GRK3: variants seen among roughly 807,000 people sequenced by gnomAD.
GRK3 encodes adrenergic, beta, receptor kinase 2.
Under a neutral mutation model 95.7 loss-of-function variants are expected in GRK3, and 54 were observed. That is an observed-to-expected ratio of 0.56 (90% CI 0.45 to 0.71). The LOEUF (loss-of-function observed/expected upper bound fraction) is 0.71. GRK3 is among the 30% of genes least tolerant of loss of function. GRK3 has a pLI of 0.00. For missense variants in GRK3, 649 were observed against 851.2 expected (o/e 0.76, Z 2.96); for synonymous variants, 281 against 290.8 (o/e 0.97, Z 0.34).
At chr22:25,570,524 G>A (rs1365331167) in intron 1 of GRK3, among the ~76,000 whole-genome samples, 1 of 152,146 alleles carries the variant, frequency 6.6e-6, no homozygotes, top group East Asian at 1.9e-4. Context: ...ATCTTCCTTT[G>A]TTAGTACAGT....
chr22:25,706,488 C>G (rs924894573), intron 15 of GRK3, among the ~76,000 whole-genome samples: 1 of 152,116 alleles, frequency 6.6e-6, no homozygotes, highest in African/African-American at 2.4e-5. Flanking sequence ...ATGGCCCTCT[C>G]TCTCTCGTGG....
chr22:25,676,444 C>A (rs1569190097), intron 8 of GRK3, among the ~76,000 whole-genome samples: 1 of 152,138 alleles, frequency 6.6e-6, no homozygotes, highest in African/African-American at 2.4e-5. Flanking sequence ...GTAATCCCAG[C>A]ACTTTGGGAG....
chr22:25,603,796 T>C (rs2084425387), intron 1 of GRK3, among the ~76,000 whole-genome samples: 1 of 152,260 alleles, frequency 6.6e-6, no homozygotes, highest in Admixed American at 6.5e-5. Context: ...ATACAATTTG[T>C]AATTTTTCCC....
chr22:25,716,224 A>G (rs1401982541), intron 18 of GRK3, among the ~76,000 whole-genome samples: 4 of 151,998 alleles, frequency 2.6e-5, no homozygotes, highest in Admixed American at 6.6e-5. Flanking sequence ...TCCTGACCTC[A>G]TGATCCGCCT....
intron 15 of GRK3, 53 bp downstream of exon 15, chr22:25,704,262 A>T (rs1414675912): frequency 7.4e-6 from 10 of 1,345,370 alleles, no homozygotes; most frequent in Non-Finnish European, 1.1e-5. Context: ...CAAAATAGTG[A>T]TTTTAAATAC....
chr22:25,597,176 G>T (rs558810605), intron 1 of GRK3, among the ~76,000 whole-genome samples: 2 of 152,198 alleles, frequency 1.3e-5, no homozygotes, highest in South Asian at 4.1e-4. Flanking sequence ...AATATCAAAT[G>T]TTCTAACATG....
intron 1 of GRK3, among the ~76,000 whole-genome samples, chr22:25,577,512 G>A (rs1052387436): frequency 6.6e-6 from 1 of 152,156 alleles, no homozygotes; most frequent in African/African-American, 2.4e-5. Context: ...GCACTCATTA[G>A]CAGTTCATTC....
rs1460086394 is a variant in GRK3 at position 25,644,658 on chromosome 22, A to T, written c.257A>T (p.Tyr86Phe). ...GAAGCTGTACCTCAGGTGAAGTTTT[A>T]TGAAGAGGTAAGAAGTAACTGTTTT... Reference protein sequence around the residue: ...INEAVPQVKFYEEIKEYEKLD... With the variant: ...INEAVPQVKFFEEIKEYEKLD... The change falls in exon 3 of 21, where the codon TAT becomes TTT. Residue 86 changes from tyrosine (Y) to phenylalanine (F), a missense_variant. By Grantham distance (22) the Tyr-to-Phe change is conservative. Transcript: ENST00000324198. The T allele has an allele frequency of 1.3e-6, 2 of 1,544,826 alleles. No individual in the cohort carries two copies. The highest frequency in any genetic ancestry group is 1.8e-6 in the Non-Finnish European group (2 of 1,123,672).
intron 2 of GRK3, among the ~76,000 whole-genome samples, chr22:25,625,307 C>T (rs187965531): frequency 1.2e-4 from 19 of 152,318 alleles, no homozygotes; most frequent in African/African-American, 3.8e-4. Context: ...TAATAATCCT[C>T]GCTCTGCAAT....
intron 13 of GRK3, among the ~76,000 whole-genome samples, chr22:25,701,027 A>G (rs2085254986): frequency 6.6e-6 from 1 of 152,290 alleles, no homozygotes; most frequent in South Asian, 2.1e-4. Context: ...GTCCTGAACA[A>G]TTTTCCAACT....
chr22:25,649,116 A>G, intron 3 of GRK3: 2 of 1,524,280 alleles, frequency 1.3e-6, no homozygotes, highest in South Asian at 1.1e-5. Context: ...CCATGAATTG[A>G]TGAATCTGTG....
Position 25,678,818 on chromosome 22 carries a change from A to T in GRK3, c.650A>T (p.Tyr217Phe). 1 of 1,553,392 alleles carries T rather than the reference A, an allele frequency of 6.4e-7. No homozygotes were observed. The highest frequency in any genetic ancestry group is 8.8e-7 in the Non-Finnish European group (1 of 1,133,460). ...GCRKADTGKM[Y>F]AMKCLDKKRI... ...TTTCAATAAATTTATGTTTCTAGGT[A>T]TGCAATGAAATGCTTAGATAAGAAG... The change falls in exon 9 of 21, where the codon TAT becomes TTT. Residue 217 changes from tyrosine (Y) to phenylalanine (F), a missense_variant and splice_region_variant. Coordinates refer to ENST00000324198, the MANE Select transcript of GRK3 (RefSeq NM_005160.4).
chr22:25,669,928 A>G (rs920924050), intron 6 of GRK3, among the ~76,000 whole-genome samples: 2 of 152,236 alleles, frequency 1.3e-5, no homozygotes, highest in African/African-American at 4.8e-5. Context: ...CCAGTCATAG[A>G]TTTATAAATG....
In GRK3 at chr22:25,667,809, CT is replaced by C; in HGVS notation, c.503+12del. On this transcript the variant is annotated intron_variant, in intron 6 of 20. Coordinates refer to ENST00000324198, the MANE Select transcript of GRK3 (RefSeq NM_005160.4). ...CAAAAATTTATGGAAAGGTATGAAA[CT>C]TTATGCATATATATACACAATTTTT... 6.4e-7 allele frequency: 1 copy of C among 1,560,360 alleles called. No homozygotes were observed. The highest frequency in any genetic ancestry group is 8.8e-7 in the Non-Finnish European group (1 of 1,131,572).
chr22:25,728,114 TAA>T lies in GRK3; in HGVS notation c.*5666_*5667del, dbSNP rs1043421228. 6.6e-6 allele frequency: 1 copy of T among 152,238 alleles called. No individual in the cohort carries two copies. The highest frequency in any genetic ancestry group is 6.5e-5 in the Admixed American group (1 of 15,282). The allele number at this position is 152,238 out of a possible 1,614,324, so 9.4% of individuals were successfully genotyped here. On this transcript the variant is annotated 3_prime_UTR_variant, in exon 21 of 21. Coordinates refer to ENST00000324198, the MANE Select transcript of GRK3 (RefSeq NM_005160.4). ...CTTTTTATTTGTATAGTTTGTTATTTAAAGAAATGGCAGTCCTTCCTGTTCTT... is the reference window on the plus strand; with the variant it reads ...CTTTTTATTTGTATAGTTTGTTATTTAGAAATGGCAGTCCTTCCTGTTCTT...
At chr22:25,700,868 C>T (rs1000982190) in intron 13 of GRK3, among the ~76,000 whole-genome samples, 1 of 152,128 alleles carries the variant, frequency 6.6e-6, no homozygotes, top group Non-Finnish European at 1.5e-5. Context: ...ACAGGCGTGA[C>T]CCACCGCGCC....
chr22:25,623,917 A>G (rs1433900715), intron 2 of GRK3, among the ~76,000 whole-genome samples: 1 of 152,040 alleles, frequency 6.6e-6, no homozygotes, highest in Non-Finnish European at 1.5e-5. Context: ...TTAAACTTTT[A>G]ATTTTTGCTG....
chr22:25,718,264 C>A lies in GRK3; in HGVS notation c.1674C>A (p.Asp558Glu), dbSNP rs775202808. ...CCTCAGATTACGCTCTGGGGAAGGACTGTATTATGCACGGGTACATGCTGA... is the reference window on the plus strand; with the variant it reads ...CCTCAGATTACGCTCTGGGGAAGGAATGTATTATGCACGGGTACATGCTGA... The part of the protein sequence containing the change: ...GHEEDYALGK[D>E]CIMHGYMLKL... The change falls in exon 19 of 21, where the codon GAC becomes GAA. Residue 558 changes from aspartate to glutamate, a missense_variant. Physicochemically the swap from Asp to Glu is conservative, Grantham distance 45 (BLOSUM62 2). Around this residue, in one of 3 missense-constraint regions of GRK3, gnomAD observed 382 missense variants for 493.8 expected, o/e 0.77. Transcript: ENST00000324198. 6.2e-7 allele frequency: 1 copy of A among 1,614,060 alleles called. No homozygotes were observed. The highest frequency in any genetic ancestry group is 8.5e-7 in the Non-Finnish European group (1 of 1,179,974).
chr22:25,576,330 A>C (rs2331120), intron 1 of GRK3, among the ~76,000 whole-genome samples: 5 of 152,254 alleles, frequency 3.3e-5, no homozygotes, highest in Non-Finnish European at 7.4e-5. Flanking sequence ...CCAGTACCTG[A>C]AATCCCTGAC....
Sources: allele counts gnomAD v4.1 joint callset (sites outside exome capture counted in the v4.1 genomes callset), GRCh38; gene constraint gnomAD v4.1.1; regional missense constraint gnomAD v4.1.1; transcripts MANE v1.5; gene names NCBI Gene and HGNC (gene_info 2026-07-23, HGNC 2026-07-21).